NUP205: variants seen among roughly 807,000 people sequenced by gnomAD.
NUP205 encodes nucleoporin 205, also known as nuclear pore complex protein Nup205.
NUP205 carries 76 observed loss-of-function variants against 253.8 expected under a neutral mutation model. The ratio of observed to expected loss-of-function variants is 0.30; its 90% CI spans 0.25 to 0.36. NUP205 has a LOEUF of 0.36. Among genes scored for constraint, NUP205 ranks in the 10% least tolerant of loss-of-function variants. NUP205 has a pLI of 1.00. For synonymous variants in NUP205, 832 were observed against 850.1 expected, an observed-to-expected ratio of 0.98 and a Z score of 0.37; for missense variants, 2,162 against 2,425.5, an observed-to-expected ratio of 0.89 and a Z score of 2.28.
At chr7:135,559,661 A>G (rs181460575) in intron 1 of NUP205, among the ~76,000 whole-genome samples, 37 of 148,940 alleles carry the variant, frequency 2.5e-4, no homozygotes, top group Non-Finnish European at 4.4e-4. Context: ...GTGAGCCAGT[A>G]CGCAAGGTAT....
intron 34 of NUP205, 55 bp downstream of exon 34, chr7:135,628,166 G>T (rs1794634995): frequency 1.3e-6 from 2 of 1,540,932 alleles, no homozygotes; most frequent in African/African-American, 2.7e-5. Context: ...CATTTTACAA[G>T]TACAGAAACC....
chr7:135,578,751 A>C lies in NUP205; in HGVS notation c.878A>C (p.Asp293Ala). The C allele has an allele frequency of 6.3e-7, 1 of 1,590,568 alleles. No individual in the cohort carries two copies. Among genetic ancestry groups the C allele is most frequent in the South Asian group, 1.1e-5 (1 of 87,306 alleles). ...AAGTGGTCTATTTTTGTGTTTTCAG[A>C]TATGATTCATCAACTTCCACTGTTG... ...FIEQSTEERD[D>A]MIHQLPLLTE... Residue 293 changes from aspartate (D) to alanine (A), a missense_variant and splice_region_variant, in exon 7 of 43, where the codon GAT becomes GCT. Asp to Ala is a moderately radical substitution (Grantham distance 126). This residue lies in a region of NUP205 where 892 missense variants were observed against 957.1 expected (regional missense o/e 0.93). Transcript: ENST00000285968.
chr7:135,633,176 G>C lies in NUP205; in HGVS notation c.5060-2405G>C, dbSNP rs571225728. ...GACAGGGTCTTGCTATGTTGCCCAG[G>C]TGTTCTCGAACTCCTGGCCTCAAGC... On this transcript the variant is annotated intron_variant, in intron 35 of 42. Coordinates refer to ENST00000285968, the MANE Select transcript of NUP205 (RefSeq NM_015135.3). 5.3e-5 allele frequency among the ~76,000 whole-genome samples: 8 copies of C among 152,084 alleles called. No individual in the cohort carries two copies. In the South Asian group the frequency reaches 1.7e-3, roughly 32 times the overall value.
At chr7:135,604,615 C>T (rs915031703) in intron 19 of NUP205, among the ~76,000 whole-genome samples, 155 bp downstream of exon 19, 2 of 152,194 alleles carry the variant, frequency 1.3e-5, no homozygotes, top group African/African-American at 2.4e-5. Flanking sequence ...AACCTACCCA[C>T]GAACTTGGCT....
chr7:135,604,588 T>G (rs1487718080), intron 19 of NUP205, 128 bp downstream of exon 19: 1 of 895,138 alleles, frequency 1.1e-6, no homozygotes, highest in East Asian at 2.7e-5. Flanking sequence ...TAAGTATATT[T>G]GTATAGGATG....
chr7:135,614,181 G>T lies in NUP205; in HGVS notation c.3218G>T (p.Cys1073Phe). 6.2e-7 allele frequency: 1 copy of T among 1,603,376 alleles called. No individual in the cohort carries two copies. The highest frequency in any genetic ancestry group is 1.3e-5 in the African/African-American group (1 of 74,816). ...CYQVIYQLCA[C>F]SDTSGPTMRY... ...TAGGTCATATATCAGTTATGTGCAT[G>T]CTCTGATACATCTGGTCCTACTATG... Residue 1073 changes from cysteine (C) to phenylalanine (F), a missense_variant, in exon 23 of 43, where the codon TGC becomes TTC. This residue lies in a region of NUP205 where 1,144 missense variants were observed against 1,280.9 expected (regional missense o/e 0.89). Coordinates refer to ENST00000285968, the MANE Select transcript of NUP205 (RefSeq NM_015135.3).
At chr7:135,632,212 A>G (rs1472492064) in intron 35 of NUP205, among the ~76,000 whole-genome samples, 1 of 152,212 alleles carries the variant, frequency 6.6e-6, no homozygotes, top group East Asian at 1.9e-4. Context: ...TATAAATGAT[A>G]GTAGCTGGCA....
At chr7:135,570,052 T>TATAGAG (rs1284263475) in intron 1 of NUP205, among the ~76,000 whole-genome samples, 70 of 79,184 alleles carry the variant, frequency 8.8e-4, no homozygotes, top group African/African-American at 1.6e-3. Flanking sequence ...TATATATATA[T>TATAGAG]AGAGAGAGAG....
chr7:135,568,738 ACTC>A (rs936887302), intron 1 of NUP205, among the ~76,000 whole-genome samples: 2 of 151,812 alleles, frequency 1.3e-5, no homozygotes, highest in Non-Finnish European at 2.9e-5. Context: ...TGAAAGCACT[ACTC>A]CTACCTCTTT....
intron 5 of NUP205, among the ~76,000 whole-genome samples, chr7:135,577,494 G>A (rs867471831): frequency 6.6e-5 from 10 of 152,132 alleles, no homozygotes; most frequent in Non-Finnish European, 1.5e-4. Context: ...ATTAAAGTTT[G>A]TAGTCAGCTG....
chr7:135,638,966 C>T (rs186365491), intron 38 of NUP205, among the ~76,000 whole-genome samples: 116 of 152,108 alleles, frequency 7.6e-4, no homozygotes, highest in Non-Finnish European at 2.1e-4. Context: ...AGTCAGGTGG[C>T]TGGGTGGAAA....
rs756285632 is a variant in NUP205 at position 135,618,479 on chromosome 7, G to A, written c.3839G>A (p.Arg1280His). The A allele has an allele frequency of 7.4e-6, 12 of 1,613,958 alleles. No individual in the cohort carries two copies. Among genetic ancestry groups the A allele is most frequent in the East Asian group, 6.7e-5 (3 of 44,884 alleles). ...TTGCTGCAGTGTCTTCATGCAAAAC[G>A]TCATGCTCTGGAGTCGTGGAGGCAA... ...NKLLQCLHAK[R>H]HALESWRQLV... The change falls in exon 28 of 43, where the codon CGT becomes CAT. Residue 1280 changes from arginine to histidine, a missense_variant. This residue lies in a region of NUP205 where 1,144 missense variants were observed against 1,280.9 expected (regional missense o/e 0.89). Transcript: ENST00000285968.
In NUP205 at chr7:135,601,400, G is replaced by T. The variant is rs1793962116; in HGVS notation, c.2405G>T (p.Gly802Val). ...GAAATCATAGCCTATAAGCCACCTG[G>T]ATTTAGTCTGATGTATCATCTGCTG... The part of the protein sequence containing the change: ...GEEIIAYKPP[G>V]FSLMYHLLNE... Residue 802 changes from glycine (G) to valine (V), a missense_variant, in exon 17 of 43, where the codon GGA (glycine) becomes GTA (valine). By Grantham distance (109) the Gly-to-Val change is moderately radical. Around this residue, in one of 5 missense-constraint regions of NUP205, gnomAD observed 892 missense variants for 957.1 expected, o/e 0.93. Coordinates refer to ENST00000285968, the MANE Select transcript of NUP205 (RefSeq NM_015135.3). 1 of 1,613,632 alleles carries T rather than the reference G, an allele frequency of 6.2e-7. No homozygotes were observed.
At chr7:135,568,294 A>G (rs909245315) in intron 1 of NUP205, among the ~76,000 whole-genome samples, 13 of 151,878 alleles carry the variant, frequency 8.6e-5, no homozygotes, top group South Asian at 4.1e-4. Flanking sequence ...ACAAAATATC[A>G]TAGGGCATTG....
In NUP205 at chr7:135,619,752, GAAA is replaced by G. The variant is rs1440303254; in HGVS notation, c.4232-36_4232-34del. ...TTGTATTTGTTTTAACTTTAATTGA[GAAA>G]AGATTTTCATTTGACATCTTCCTAA... On this transcript the variant is annotated intron_variant, in intron 29 of 42. Transcript: ENST00000285968. 1.9e-6 allele frequency: 3 copies of G among 1,596,138 alleles called. No homozygotes were observed. In the East Asian group the frequency reaches 6.7e-5, roughly 36 times the overall value.
At position 135,643,267 on chromosome 7, in the gene NUP205, C is replaced by G. The variant is rs1794947845; in HGVS notation, c.5468C>G (p.Ala1823Gly). The G allele has an allele frequency of 3.7e-6, 6 of 1,613,900 alleles. No individual in the cohort carries two copies. In the African/African-American group the frequency reaches 6.7e-5, roughly 18 times the overall value. Reference sequence around the variant, plus strand: ...ATCATCTACCTGCTGAAACAGAGTGCTAATGATTTCTTCAGCTATTATGAC... The same window carrying G: ...ATCATCTACCTGCTGAAACAGAGTGGTAATGATTTCTTCAGCTATTATGAC... ...GIIIYLLKQSANDFFSYYDSH... is the reference protein window; with the variant it reads ...GIIIYLLKQSGNDFFSYYDSH... The change falls in exon 39 of 43, where the codon GCT becomes GGT. Residue 1823 changes from alanine (A) to glycine (G), a missense_variant. By Grantham distance (60) the Ala-to-Gly change is moderately conservative (BLOSUM62 0). Coordinates refer to ENST00000285968, the MANE Select transcript of NUP205 (RefSeq NM_015135.3).
chr7:135,560,058 C>T (rs1237246221), intron 1 of NUP205, among the ~76,000 whole-genome samples: 1 of 152,126 alleles, frequency 6.6e-6, no homozygotes, highest in East Asian at 1.9e-4. Flanking sequence ...AGGGGTTTCA[C>T]CATATTGGCC....
In NUP205 at chr7:135,568,480, C is replaced by T. The variant is rs565813816; in HGVS notation, c.29-2625C>T. Among the ~76,000 whole-genome samples, 21 of 151,612 alleles carry T rather than the reference C, an allele frequency of 1.4e-4. No homozygotes were observed. The East Asian group carries it at 1.4e-3, about 10-fold the overall frequency. ...CCGAGTACCTGGGATTACAGGTGTG[C>T]GCCACCACTCCTGGCTAATATTTTT... On this transcript the variant is annotated intron_variant, in intron 1 of 42. Transcript: ENST00000285968.
chr7:135,625,124 G>T, intron 31 of NUP205, 40 bp from the exon 32 acceptor site: 7 of 1,480,888 alleles, frequency 4.7e-6, no homozygotes, highest in Non-Finnish European at 6.5e-6. Flanking sequence ...GATTTTGGTA[G>T]CATCTACATG....
Sources: allele counts gnomAD v4.1 joint callset (sites outside exome capture counted in the v4.1 genomes callset), GRCh38; gene constraint gnomAD v4.1.1; regional missense constraint gnomAD v4.1.1; transcripts MANE v1.5; gene names NCBI Gene and HGNC (gene_info 2026-07-23, HGNC 2026-07-21).